Variants in ZNF148 observed in about 807,000 individuals in gnomAD.
The protein encoded by ZNF148 is Beta-Enolase Repressor Factor-1.
In ZNF148, 7 loss-of-function variants were observed where a neutral mutation model predicts 67.7. That is an observed-to-expected ratio of 0.10 (90% confidence interval 0.06 to 0.19). The LOEUF is 0.19. ZNF148 is among the 10% of genes least tolerant of loss of function. ZNF148 has a pLI of 1.00. For synonymous variants in ZNF148, 333 were observed against 330.7 expected (o/e 1.01, Z -0.08); for missense variants, 583 against 947.1 (o/e 0.62, Z 5.05).
Position 125,232,782 on chromosome 3 carries a change from C to T in ZNF148, c.1944G>A (p.Lys648=), listed in dbSNP as rs772626508. 6.2e-7 allele frequency: 1 copy of T among 1,613,836 alleles called. No homozygotes were observed. Among genetic ancestry groups the T allele is most frequent in the African/African-American group, 1.3e-5 (1 of 74,998 alleles). The change falls in exon 9 of 9, where the codon AAG becomes AAA. Residue 648 remains lysine, a synonymous_variant. Coordinates refer to ENST00000360647, the MANE Select transcript of ZNF148 (RefSeq NM_021964.3). This position sits in a 1 kb window ranked among gnomAD's most constrained non-coding sequence, Gnocchi z 4.2. ...TGATGGGCATGGTGGCATAGACCTG[C>T]TTGTCTATGGAAGAGAATGCTGGCT... The part of the protein sequence containing the change: ...PNQPAFSSID[K]QVYATMPINS...
At chr3:125,234,692 A>T (rs1449649170) in intron 7 of ZNF148, among the ~76,000 whole-genome samples, 1 of 152,218 alleles carries the variant, frequency 6.6e-6, no homozygotes, top group African/African-American at 2.4e-5. Context: ...TTACCCATGC[A>T]CAATACAACA....
chr3:125,232,572 C>T lies in ZNF148; in HGVS notation c.2154G>A (p.Gln718=). The change falls in exon 9 of 9, where the codon CAG becomes CAA. Residue 718 remains glutamine (Q), a synonymous_variant. Transcript: ENST00000360647. The surrounding 1 kb of genome is among the most constrained non-coding windows in gnomAD (Gnocchi z 4.2). ...QVTSQKKAEA[Q]PVHQAYQMSS... is the part of the protein sequence containing the mutation. ...TCATTTGGTAAGCTTGGTGGACAGG[C>T]TGGGCCTCAGCTTTCTTCTGAGAAG... is the stretch of plus-strand genomic sequence containing the variant. 6.2e-7 allele frequency: 1 copy of T among 1,613,790 alleles called. No homozygotes were observed. Among genetic ancestry groups the T allele is most frequent in the Non-Finnish European group, 8.5e-7 (1 of 1,179,762 alleles).
intron 7 of ZNF148, among the ~76,000 whole-genome samples, 191 bp from the exon 8 acceptor site, chr3:125,234,520 C>A (rs549216769): frequency 8.5e-5 from 13 of 152,250 alleles, no homozygotes; most frequent in Admixed American, 7.9e-4. Flanking sequence ...TGAATACAGG[C>A]ACAGTCCATT....
At chr3:125,293,602 G>T (rs1430024911) in intron 4 of ZNF148, among the ~76,000 whole-genome samples, 1 of 152,180 alleles carries the variant, frequency 6.6e-6, no homozygotes, top group Non-Finnish European at 1.5e-5. Context: ...AAGGACATAA[G>T]ACCCAGACTG....
intron 4 of ZNF148, among the ~76,000 whole-genome samples, chr3:125,310,656 T>C (rs1376012675): frequency 6.6e-6 from 1 of 151,706 alleles, no homozygotes; most frequent in East Asian, 1.9e-4. Flanking sequence ...GGGAAAAAAA[T>C]CAAGAAAATC....
intron 1 of ZNF148, among the ~76,000 whole-genome samples, chr3:125,344,977 T>C (rs941704806): frequency 6.6e-6 from 1 of 152,132 alleles, no homozygotes; most frequent in Non-Finnish European, 1.5e-5. Flanking sequence ...TTCAGCAACA[T>C]AACAAGTTAA....
chr3:125,359,932 C>T lies in ZNF148; in HGVS notation c.-234+15170G>A, dbSNP rs1400911020. On this transcript the variant is annotated intron_variant, in intron 1 of 8. Transcript: ENST00000360647. ...CTGCTCCACCAGCTGCTAAGTGCAC[C>T]GCCAGCACAGGCCCGCCCATGCAGC... Among the ~76,000 whole-genome samples, 70 of 152,222 alleles carry T rather than the reference C, an allele frequency of 4.6e-4. 2 individuals carry two copies. The highest frequency in any genetic ancestry group is 4.3e-3 in the Admixed American group (66 of 15,290).
intron 7 of ZNF148, among the ~76,000 whole-genome samples, chr3:125,276,404 A>G (rs532961595): frequency 1.6e-4 from 25 of 151,670 alleles, no homozygotes; most frequent in Non-Finnish European, 2.8e-4. Context: ...TTGCACAGTT[A>G]AAGTTTTATT....
intron 4 of ZNF148, among the ~76,000 whole-genome samples, chr3:125,310,011 G>T (rs1377061517): frequency 6.7e-6 from 1 of 149,626 alleles, no homozygotes. Flanking sequence ...ATGGTAGCTA[G>T]AAAATATCTC....
intron 1 of ZNF148, among the ~76,000 whole-genome samples, chr3:125,356,265 C>G (rs1242030044): frequency 6.6e-6 from 1 of 152,184 alleles, no homozygotes; most frequent in Non-Finnish European, 1.5e-5. Flanking sequence ...TTCCACCAAA[C>G]AGACAAACAC....
intron 7 of ZNF148, among the ~76,000 whole-genome samples, chr3:125,263,279 G>A (rs1169916517): frequency 2.6e-5 from 4 of 152,326 alleles, no homozygotes; most frequent in East Asian, 1.9e-4. Context: ...GGCTGGGCAC[G>A]GTGGCCCACG....
chr3:125,368,857 A>C lies in ZNF148; in HGVS notation c.-234+6245T>G, dbSNP rs1942780018. ...GCCACTCTGAGACTGAGGCAGGAGA[A>C]TCGCTTGAACCTGGGAGGCAGAGGT... On this transcript the variant is annotated intron_variant, in intron 1 of 8. Coordinates refer to ENST00000360647, the MANE Select transcript of ZNF148 (RefSeq NM_021964.3). 2.0e-5 allele frequency among the ~76,000 whole-genome samples: 3 copies of C among 152,160 alleles called. No homozygotes were observed. The South Asian group carries it at 6.2e-4, about 32-fold the overall frequency.
intron 7 of ZNF148, among the ~76,000 whole-genome samples, chr3:125,238,118 C>T (rs1017203874): frequency 8.5e-5 from 13 of 152,094 alleles, no homozygotes; most frequent in African/African-American, 3.1e-4. Flanking sequence ...CCTCTCACAT[C>T]ATAAACAAAA....
intron 1 of ZNF148, among the ~76,000 whole-genome samples, chr3:125,362,144 T>C (rs1216698185): frequency 6.6e-6 from 1 of 152,220 alleles, no homozygotes; most frequent in Non-Finnish European, 1.5e-5. Flanking sequence ...CCACAACAGA[T>C]TTATTCTAAA....
intron 1 of ZNF148, chr3:125,344,770 C>G (rs1379143651): frequency 6.0e-6 from 3 of 497,382 alleles, no homozygotes; most frequent in Non-Finnish European, 1.1e-5. Flanking sequence ...TGTCTCTGCA[C>G]ACCTAGAACT....
At chr3:125,238,606 C>A (rs1334962250) in intron 7 of ZNF148, among the ~76,000 whole-genome samples, 1 of 151,912 alleles carries the variant, frequency 6.6e-6, no homozygotes, top group Non-Finnish European at 1.5e-5. Flanking sequence ...CTAGTCTGGG[C>A]GACAGAAAAA....
At chr3:125,290,973 A>G (rs560461801) in intron 4 of ZNF148, among the ~76,000 whole-genome samples, 4 of 152,238 alleles carry the variant, frequency 2.6e-5, no homozygotes, top group South Asian at 2.1e-4. Context: ...TACTCTTCTT[A>G]ACTTCACCTA....
chr3:125,328,137 G>GA (rs1029533151), intron 2 of ZNF148, among the ~76,000 whole-genome samples: 36 of 150,080 alleles, frequency 2.4e-4, no homozygotes, highest in African/African-American at 6.8e-4. Context: ...ACTAATTTAA[G>GA]AAAAAAAAGA....
intron 4 of ZNF148, among the ~76,000 whole-genome samples, chr3:125,310,073 ATTTTT>A (rs3030721): frequency 3.6e-5 from 5 of 137,416 alleles, no homozygotes; most frequent in African/African-American, 5.5e-5. Flanking sequence ...GGTTCAAAGA[ATTTTT>A]TTTTTTTTTT....
Sources: allele counts gnomAD v4.1 joint callset (sites outside exome capture counted in the v4.1 genomes callset), GRCh38; gene constraint gnomAD v4.1.1; non-coding constraint Gnocchi (gnomAD v3.1); transcripts MANE v1.5; gene names NCBI Gene and HGNC (gene_info 2026-07-23, HGNC 2026-07-21).